Variants in MICU2 observed in about 807,000 individuals in gnomAD.
MICU2 encodes the protein mitochondrial calcium uptake 2.
MICU2 carries 64 observed loss-of-function variants against 60.4 expected under a neutral mutation model. That is an observed-to-expected ratio of 1.06 (90% CI 0.87 to 1.31). The LOEUF (loss-of-function observed/expected upper bound fraction) is 1.31, where lower values mean the gene tolerates loss of function less well. Among genes scored for constraint, MICU2 ranks in the 50% most tolerant of loss-of-function variants. MICU2 has a pLI of 0.00. For synonymous variants in MICU2, 201 were observed against 175.0 expected (o/e 1.15, Z -1.17); for missense variants, 569 against 531.0 (o/e 1.07, Z -0.70).
intron 7 of MICU2, among the ~76,000 whole-genome samples, chr13:21,510,891 A>G (rs1886413075): frequency 6.6e-6 from 1 of 152,144 alleles, no homozygotes; most frequent in Non-Finnish European, 1.5e-5. Flanking sequence ...CAATTCTGCA[A>G]TAAGTAGATT....
intron 2 of MICU2, 116 bp downstream of exon 2, chr13:21,566,681 G>T: frequency 2.4e-6 from 2 of 819,772 alleles, no homozygotes; most frequent in Non-Finnish European, 3.7e-6. Flanking sequence ...ATAAGCAAAT[G>T]CATGGTACAA....
rs557187550 is a variant in MICU2, at chr13:21,538,461, G to A, written c.466+841C>T. 4.0e-5 allele frequency among the ~76,000 whole-genome samples: 6 copies of A among 150,784 alleles called. No homozygotes were observed. In the South Asian group the frequency reaches 1.3e-3, roughly 32 times the overall value. On this transcript the variant is annotated intron_variant, in intron 4 of 11. Transcript: ENST00000382374. ...GTGGTGCACACCTGTAGTCCCAGCA[G>A]GCTGCAGCAGGAGGACTGCTTGAGT...
chr13:21,514,239 T>TA (rs1886505133), intron 7 of MICU2, 114 bp downstream of exon 7: 11 of 837,208 alleles, frequency 1.3e-5, no homozygotes, highest in African/African-American at 3.5e-5. Context: ...ATGACTGTAT[T>TA]AAAAAAATTA....
At chr13:21,561,034 G>C (rs748215610) in intron 2 of MICU2, among the ~76,000 whole-genome samples, 120 of 152,192 alleles carry the variant, frequency 7.9e-4, no homozygotes, top group Non-Finnish European at 7.4e-4. Context: ...AATTTCTTTT[G>C]AGATTCCTTA....
rs560654928 is a variant in MICU2, at chr13:21,540,742, T to A, written c.359-1054A>T. Among the ~76,000 whole-genome samples the A allele has an allele frequency of 2.6e-5, 4 of 152,152 alleles. No individual in the cohort carries two copies. The East Asian group carries it at 7.7e-4, about 29-fold the overall frequency. On this transcript the variant is annotated intron_variant, in intron 2 of 11. Coordinates refer to ENST00000382374, the MANE Select transcript of MICU2 (RefSeq NM_152726.3). Reference sequence around the variant, plus strand: ...TTTACTCACTGGAGAAACTATTATGTGCCAGCCAAAGACAAAGAGCCCCAG... The same window carrying A: ...TTTACTCACTGGAGAAACTATTATGAGCCAGCCAAAGACAAAGAGCCCCAG...
chr13:21,579,311 C>A, intron 1 of MICU2, among the ~76,000 whole-genome samples: 1 of 147,998 alleles, frequency 6.8e-6, no homozygotes, highest in African/African-American at 2.5e-5. Context: ...AATATTCTGG[C>A]AAATTAATGT....
chr13:21,525,050 T>C (rs1886813838), intron 4 of MICU2, among the ~76,000 whole-genome samples: 1 of 152,196 alleles, frequency 6.6e-6, no homozygotes, highest in African/African-American at 2.4e-5. Context: ...GTTTCTACCA[T>C]GTGGTTACTG....
In MICU2 at chr13:21,522,020, A is replaced by T. The variant is rs1371614138; in HGVS notation, c.514+583T>A. 2.0e-5 allele frequency among the ~76,000 whole-genome samples: 3 copies of T among 152,236 alleles called. No individual in the cohort carries two copies. The East Asian group carries it at 5.8e-4, about 29-fold the overall frequency. On this transcript the variant is annotated intron_variant, in intron 5 of 11. Coordinates refer to ENST00000382374, the MANE Select transcript of MICU2 (RefSeq NM_152726.3). ...TCTCAAACTCCTGGGCTCAAGCTAA[A>T]GTGCTGGGGTGAGCCCCCACACCTG...
chr13:21,600,444 C>A (rs1888788526), intron 1 of MICU2, among the ~76,000 whole-genome samples: 2 of 152,276 alleles, frequency 1.3e-5, no homozygotes, highest in South Asian at 4.1e-4. Flanking sequence ...CCACAGCACC[C>A]AGTATTTAAC....
intron 2 of MICU2, among the ~76,000 whole-genome samples, chr13:21,562,896 G>A (rs1322751426): frequency 2.0e-5 from 3 of 151,850 alleles, no homozygotes; most frequent in Non-Finnish European, 4.4e-5. Context: ...TCTGAAGAAC[G>A]TCTTTGAACA....
intron 7 of MICU2, among the ~76,000 whole-genome samples, chr13:21,511,256 T>C (rs1277711289): frequency 2.4e-4 from 36 of 152,086 alleles, no homozygotes; most frequent in Admixed American, 2.4e-3. Context: ...GTTCCAGATA[T>C]GGTGGGAAGA....
At chr13:21,528,487 A>G (rs1451283451) in intron 4 of MICU2, among the ~76,000 whole-genome samples, 2 of 152,180 alleles carry the variant, frequency 1.3e-5, no homozygotes, top group Non-Finnish European at 2.9e-5. Flanking sequence ...ACTTGTAAGC[A>G]CTTTTTTCCT....
At chr13:21,497,048 C>A (rs137860732) in intron 9 of MICU2, among the ~76,000 whole-genome samples, 1 of 149,180 alleles carries the variant, frequency 6.7e-6, no homozygotes, top group Non-Finnish European at 1.5e-5. Context: ...GGCGACAGAG[C>A]GAGACTCTGT....
intron 8 of MICU2, among the ~76,000 whole-genome samples, chr13:21,507,639 C>A (rs986129046): frequency 6.6e-6 from 1 of 150,702 alleles, no homozygotes; most frequent in African/African-American, 2.4e-5. Context: ...AGTCTCACTC[C>A]GTTGCCCAGG....
intron 1 of MICU2, among the ~76,000 whole-genome samples, chr13:21,583,351 A>C (rs1184872608): frequency 6.6e-6 from 1 of 152,238 alleles, no homozygotes; most frequent in Non-Finnish European, 1.5e-5. Flanking sequence ...TTTTTTAAAA[A>C]ATAAAAGTGT....
chr13:21,581,155 G>A (rs1038956097), intron 1 of MICU2, among the ~76,000 whole-genome samples: 1 of 152,184 alleles, frequency 6.6e-6, no homozygotes, highest in African/African-American at 2.4e-5. Flanking sequence ...GAACTAGGAA[G>A]AGACAAGGAT....
intron 1 of MICU2, among the ~76,000 whole-genome samples, chr13:21,595,322 C>G (rs1002463939): frequency 6.6e-6 from 1 of 152,196 alleles, no homozygotes; most frequent in African/African-American, 2.4e-5. Context: ...TGCAAGACAG[C>G]AGAGCCAAAA....
intron 8 of MICU2, among the ~76,000 whole-genome samples, chr13:21,507,928 CTT>C (rs1191832367): frequency 1.3e-5 from 2 of 151,214 alleles, no homozygotes; most frequent in African/African-American, 4.9e-5. Flanking sequence ...TTCTTTCTCT[CTT>C]TCTTTCTTTC....
intron 2 of MICU2, chr13:21,551,276 G>A (rs956374874): frequency 2.0e-5 from 3 of 152,252 alleles, no homozygotes; most frequent in Non-Finnish European, 2.9e-5. Context: ...ATGCTAAACA[G>A]ACTTATATAT....
Sources: allele counts gnomAD v4.1 joint callset (sites outside exome capture counted in the v4.1 genomes callset), GRCh38; gene constraint gnomAD v4.1.1; transcripts MANE v1.5; gene names NCBI Gene and HGNC (gene_info 2026-07-23, HGNC 2026-07-21).